The following NRXN3 variants were observed in gnomAD, a reference collection of about 807,000 sequenced individuals.
The protein encoded by NRXN3 is neurexin 3, also known as neurexin III.
Under a neutral mutation model 137.6 loss-of-function variants are expected in NRXN3, and 32 were observed. The observed-to-expected ratio is 0.23, with a 90% CI of 0.18 to 0.31. The LOEUF is 0.31. NRXN3 is among the 10% of genes least tolerant of loss of function. The pLI is 1.00. For missense variants in NRXN3, 1,574 were observed against 2,062.5 expected, an observed-to-expected ratio of 0.76 and a Z score of 4.59; for synonymous variants, 798 against 784.5, an observed-to-expected ratio of 1.02 and a Z score of -0.29.
intron 19 of NRXN3, among the ~76,000 whole-genome samples, chr14:79,740,217 G>T (rs2098956247): frequency 6.6e-6 from 1 of 151,668 alleles, no homozygotes; most frequent in Non-Finnish European, 1.5e-5. Context: ...TATTTCTTTT[G>T]CCACTGTCCT....
At chr14:78,638,000 G>A (rs1172011379) in intron 4 of NRXN3, among the ~76,000 whole-genome samples, 1 of 152,188 alleles carries the variant, frequency 6.6e-6, no homozygotes, top group Non-Finnish European at 1.5e-5. Context: ...GATACCATTA[G>A]CTTTCTAGTG....
At chr14:79,345,654 G>T in intron 15 of NRXN3, among the ~76,000 whole-genome samples, 1 of 152,030 alleles carries the variant, frequency 6.6e-6, no homozygotes, top group East Asian at 1.9e-4. Flanking sequence ...CCCTCCCTTT[G>T]GTAATAAGTG....
Position 79,861,511 on chromosome 14 carries a change from G to A in NRXN3, c.4263G>A (p.Val1421=). Residue 1421 remains valine (V), a synonymous_variant, in exon 21 of 21, where the codon GTG becomes GTA. Coordinates refer to ENST00000335750, the MANE Select transcript of NRXN3 (RefSeq NM_001330195.2). This position sits in a 1 kb window ranked among gnomAD's most constrained non-coding sequence, Gnocchi z 5.4. The part of the protein sequence containing the change: ...RFTASSSSGM[V]PKLPAGKMNN... ...CAGCTTCCTCCTCGTCTGGGATGGT[G>A]CCCAAATTGCCAGCTGGCAAAATGA... The A allele has an allele frequency of 6.5e-7, 1 of 1,541,076 alleles. No individual in the cohort carries two copies. Among genetic ancestry groups the A allele is most frequent in the Non-Finnish European group, 8.7e-7 (1 of 1,147,592 alleles).
Position 78,781,874 on chromosome 14 carries a change from CA to C in NRXN3, c.2045-21742del, listed in dbSNP as rs562185366. Among the ~76,000 whole-genome samples, 468 of 152,282 alleles carry C rather than the reference CA, an allele frequency of 3.1e-3. 3 individuals carry two copies. Among genetic ancestry groups the C allele is most frequent in the African/African-American group, 0.011 (454 of 41,554 alleles). ...CAGGTTCATATAATACAAACCAAAA[CA>C]AAACAACCTTCTCACACGAAGAGAA... On this transcript the variant is annotated intron_variant, in intron 8 of 20. Transcript: ENST00000335750.
chr14:78,416,264 T>TACC (rs2093131650), intron 4 of NRXN3, among the ~76,000 whole-genome samples: 1 of 152,222 alleles, frequency 6.6e-6, no homozygotes, highest in African/African-American at 2.4e-5. Flanking sequence ...TGCAGACATT[T>TACC]ACCATGATGA....
At chr14:78,358,565 T>TG (rs796388239) in intron 4 of NRXN3, among the ~76,000 whole-genome samples, 50 of 152,272 alleles carry the variant, frequency 3.3e-4, no homozygotes, top group African/African-American at 1.2e-3. Flanking sequence ...CTAAGATTCC[T>TG]GGGGGGATGT....
chr14:78,796,634 C>A (rs952878039), intron 8 of NRXN3, among the ~76,000 whole-genome samples: 2 of 152,130 alleles, frequency 1.3e-5, no homozygotes, highest in Non-Finnish European at 2.9e-5. Flanking sequence ...TCACACTTAT[C>A]CCTGAGGGTA....
chr14:78,283,815 C>T (rs961742924), intron 3 of NRXN3, among the ~76,000 whole-genome samples: 2 of 152,184 alleles, frequency 1.3e-5, no homozygotes, highest in Admixed American at 6.5e-5. Context: ...GGCCTGTCTT[C>T]GGCTACTTTT....
intron 20 of NRXN3, among the ~76,000 whole-genome samples, chr14:79,809,415 A>C (rs2099223488): frequency 6.6e-6 from 1 of 152,182 alleles, no homozygotes; most frequent in Non-Finnish European, 1.5e-5. Context: ...CTGGGATTAC[A>C]AGCATAAGCC....
At chr14:79,291,790 G>T (rs2083251166) in intron 15 of NRXN3, among the ~76,000 whole-genome samples, 1 of 151,456 alleles carries the variant, frequency 6.6e-6, no homozygotes, top group African/African-American at 2.4e-5. Context: ...TACCTGAATG[G>T]TGGGAAAAAA....
intron 4 of NRXN3, among the ~76,000 whole-genome samples, chr14:78,588,583 C>T (rs1050224592): frequency 6.6e-6 from 1 of 152,184 alleles, no homozygotes; most frequent in African/African-American, 2.4e-5. Context: ...AATCTCTTGG[C>T]CTCTCTGGGC....
intron 14 of NRXN3, among the ~76,000 whole-genome samples, chr14:78,976,349 C>T (rs1459571465): frequency 6.6e-6 from 1 of 152,026 alleles, no homozygotes. Flanking sequence ...ATGGTGAACA[C>T]GTGGTCAGGG....
intron 4 of NRXN3, among the ~76,000 whole-genome samples, chr14:78,536,273 T>C (rs2096534683): frequency 6.6e-6 from 1 of 152,222 alleles, no homozygotes; most frequent in Non-Finnish European, 1.5e-5. Flanking sequence ...TACTGGCTCC[T>C]AGACCTTCCT....
chr14:79,015,865 C>T (rs992820172), intron 15 of NRXN3, among the ~76,000 whole-genome samples: 2 of 152,122 alleles, frequency 1.3e-5, no homozygotes, highest in Admixed American at 6.5e-5. Flanking sequence ...AATGTGAATT[C>T]TATCCAACCT....
intron 16 of NRXN3, among the ~76,000 whole-genome samples, chr14:79,608,781 G>A (rs1280351374): frequency 1.3e-5 from 2 of 151,816 alleles, no homozygotes; most frequent in African/African-American, 2.4e-5. Flanking sequence ...CCCATTTGTT[G>A]ATTTTTTTTT....
rs142436881 is a variant in NRXN3 at position 79,227,820 on chromosome 14, CCCTT to C, written c.3263-239397_3263-239394del. 6.2e-4 allele frequency among the ~76,000 whole-genome samples: 21 copies of C among 34,082 alleles called. 1 individual carries two copies. The highest frequency in any genetic ancestry group is 1.5e-4 in the African/African-American group (2 of 12,996). 22.4% of individuals were successfully genotyped at this position (34,082 alleles called of 152,430 possible). A position where few individuals can be genotyped will look rare whatever the true frequency, so the allele number is the denominator to read the frequency against. On this transcript the variant is annotated intron_variant, in intron 15 of 20. Transcript: ENST00000335750. The stretch of plus-strand genomic sequence containing the variant: ...TTCCTCCCTTCCTCCCTCCCTTCCT[CCCTT>C]CCTCCCTTCCTCCCTCCCTTCCTCC...
intron 8 of NRXN3, among the ~76,000 whole-genome samples, chr14:78,793,823 A>C (rs1325477972): frequency 6.6e-6 from 1 of 152,168 alleles, no homozygotes; most frequent in African/African-American, 2.4e-5. Flanking sequence ...TCAAGGCCCT[A>C]GGCTTGCAAA....
Position 78,710,720 on chromosome 14 carries a change from G to A in NRXN3, c.1660+1065G>A, listed in dbSNP as rs775326684. ...CTGAAACTGGGAGTGACTGAGCTTT[G>A]GTGGGTTGGCTTTTCTGCATAATTC... On this transcript the variant is annotated intron_variant, in intron 7 of 20. Coordinates refer to ENST00000335750, the MANE Select transcript of NRXN3 (RefSeq NM_001330195.2). Among the ~76,000 whole-genome samples the A allele has an allele frequency of 8.5e-5, 13 of 152,206 alleles. 1 individual carries two copies. The highest frequency in any genetic ancestry group is 2.0e-4 in the Admixed American group (3 of 15,292).
At chr14:79,565,100 AT>A (rs2153786578) in intron 16 of NRXN3, among the ~76,000 whole-genome samples, 1 of 152,062 alleles carries the variant, frequency 6.6e-6, no homozygotes, top group East Asian at 1.9e-4. Flanking sequence ...TTAAATTAAT[AT>A]TATTGAAATT....
Sources: allele counts gnomAD v4.1 joint callset (sites outside exome capture counted in the v4.1 genomes callset), GRCh38; gene constraint gnomAD v4.1.1; non-coding constraint Gnocchi (gnomAD v3.1); transcripts MANE v1.5; gene names NCBI Gene and HGNC (gene_info 2026-07-23, HGNC 2026-07-21).